The following LHFPL3 variants were observed in gnomAD, a reference collection of about 807,000 sequenced individuals.
LHFPL3 encodes LHFPL tetraspan subfamily member 3.
Under a neutral mutation model 19.3 loss-of-function variants are expected in LHFPL3, and 5 were observed. The observed-to-expected ratio is 0.26, with a 90% confidence interval of 0.14 to 0.54. LHFPL3 has a LOEUF of 0.54. Among genes scored for constraint, LHFPL3 ranks in the 20% least tolerant of loss-of-function variants. The pLI is 0.94. For synonymous variants in LHFPL3, 133 were observed against 126.2 expected (o/e 1.05, Z -0.36); for missense variants, 249 against 307.4 (o/e 0.81, Z 1.42).
intron 1 of LHFPL3, among the ~76,000 whole-genome samples, chr7:104,645,201 T>C (rs1173698445): frequency 6.6e-6 from 1 of 152,246 alleles, no homozygotes; most frequent in Non-Finnish European, 1.5e-5. Flanking sequence ...TTATGGCTAA[T>C]GAGGCTGGCC....
At chr7:104,537,212 C>T (rs1331327483) in intron 1 of LHFPL3, among the ~76,000 whole-genome samples, 3 of 152,116 alleles carry the variant, frequency 2.0e-5, no homozygotes, top group African/African-American at 7.2e-5. Context: ...CTGCTGCTTG[C>T]TAATCTAAAA....
intron 1 of LHFPL3, among the ~76,000 whole-genome samples, chr7:104,343,512 C>CAAAAAAAAAAAAAAAAA (rs536122769): frequency 4.2e-5 from 2 of 47,476 alleles, no homozygotes; most frequent in Non-Finnish European, 8.3e-5. Context: ...GACTCTGTCT[C>CAAAAAAAAAAAAAAAAA]AAAAAAAAAA....
chr7:104,891,129 G>C (rs1237793248), intron 2 of LHFPL3, among the ~76,000 whole-genome samples: 1 of 151,372 alleles, frequency 6.6e-6, no homozygotes, highest in African/African-American at 2.4e-5. Context: ...TTAAGGGTCT[G>C]TTTTGAATGG....
chr7:104,876,936 C>G lies in LHFPL3; in HGVS notation c.683-29251C>G, dbSNP rs201939281. The stretch of plus-strand genomic sequence containing the variant: ...TGTGGCACATATACACCATGGAATA[C>G]TATGCAGCCATAAAAAATGATGAGT... On this transcript the variant is annotated intron_variant, in intron 2 of 2. Coordinates refer to ENST00000424859, the MANE Select transcript of LHFPL3 (RefSeq NM_199000.3). Among the ~76,000 whole-genome samples, 33 of 152,284 alleles carry G rather than the reference C, an allele frequency of 2.2e-4. No homozygotes were observed. The East Asian group carries it at 5.4e-3, about 25-fold the overall frequency.
intron 2 of LHFPL3, among the ~76,000 whole-genome samples, chr7:104,854,775 A>G (rs572481331): frequency 1.3e-5 from 2 of 152,286 alleles, no homozygotes; most frequent in Admixed American, 6.5e-5. Flanking sequence ...CTGTAGCACC[A>G]TTTGTCTAAG....
intron 1 of LHFPL3, among the ~76,000 whole-genome samples, chr7:104,621,509 G>A (rs969277874): frequency 8.5e-5 from 13 of 152,200 alleles, no homozygotes; most frequent in Admixed American, 6.5e-5. Context: ...AGAGTGTGCT[G>A]GGTCAGAGGA....
intron 1 of LHFPL3, among the ~76,000 whole-genome samples, chr7:104,694,915 C>T (rs1792970130): frequency 2.0e-5 from 3 of 152,188 alleles, no homozygotes; most frequent in Admixed American, 2.0e-4. Context: ...GTCAAGGTTG[C>T]AGTGAGCTAA....
At chr7:104,558,151 G>T (rs1175948131) in intron 1 of LHFPL3, among the ~76,000 whole-genome samples, 1 of 151,230 alleles carries the variant, frequency 6.6e-6, no homozygotes, top group Admixed American at 6.6e-5. Flanking sequence ...GTGTGCATGT[G>T]TCTTTATAGC....
chr7:104,466,870 A>G (rs974197734), intron 1 of LHFPL3, among the ~76,000 whole-genome samples: 3 of 152,230 alleles, frequency 2.0e-5, no homozygotes, highest in Non-Finnish European at 2.9e-5. Context: ...TCTGATTTCC[A>G]TGCTTTTCTT....
chr7:104,361,765 G>A (rs1790393839), intron 1 of LHFPL3, among the ~76,000 whole-genome samples: 1 of 152,228 alleles, frequency 6.6e-6, no homozygotes, highest in Non-Finnish European at 1.5e-5. Flanking sequence ...TGGGGTCAAA[G>A]TAGCAAGGGT....
At chr7:104,351,496 A>G (rs1214074909) in intron 1 of LHFPL3, among the ~76,000 whole-genome samples, 1 of 152,214 alleles carries the variant, frequency 6.6e-6, no homozygotes, top group East Asian at 1.9e-4. Flanking sequence ...TCCTTCCTCC[A>G]ATAAACAGAA....
At chr7:104,434,819 C>T (rs561261115) in intron 1 of LHFPL3, among the ~76,000 whole-genome samples, 6 of 152,274 alleles carry the variant, frequency 3.9e-5, no homozygotes, top group African/African-American at 1.4e-4. Flanking sequence ...TGAAAGATCA[C>T]ATTTCAATTG....
At chr7:104,418,940 C>G (rs147294105) in intron 1 of LHFPL3, among the ~76,000 whole-genome samples, 5 of 152,334 alleles carry the variant, frequency 3.3e-5, no homozygotes, top group Admixed American at 3.3e-4. Context: ...TCCTATGAGA[C>G]AAGTACCAAT....
At chr7:104,599,841 T>A (rs575452118) in intron 1 of LHFPL3, among the ~76,000 whole-genome samples, 9 of 152,312 alleles carry the variant, frequency 5.9e-5, no homozygotes, top group African/African-American at 2.2e-4. Context: ...TAGCCAAACA[T>A]CAGCAATGGC....
At chr7:104,412,774 T>G (rs1791555901) in intron 1 of LHFPL3, among the ~76,000 whole-genome samples, 3 of 152,158 alleles carry the variant, frequency 2.0e-5, no homozygotes, top group Non-Finnish European at 4.4e-5. Flanking sequence ...ATTTTTCTAT[T>G]TTTTTATCTC....
At chr7:104,571,472 C>T (rs984233705) in intron 1 of LHFPL3, among the ~76,000 whole-genome samples, 18 of 152,276 alleles carry the variant, frequency 1.2e-4, no homozygotes, top group African/African-American at 4.3e-4. Flanking sequence ...CTCCTTTCGC[C>T]AGCTTTTCTT....
chr7:104,743,992 C>T (rs1197408523), intron 2 of LHFPL3: 1 of 151,910 alleles, frequency 6.6e-6, no homozygotes, highest in Non-Finnish European at 1.5e-5. Flanking sequence ...CACACACCAC[C>T]ACACCCTGCA....
chr7:104,609,134 G>A (rs574975017), intron 1 of LHFPL3, among the ~76,000 whole-genome samples: 2 of 152,078 alleles, frequency 1.3e-5, no homozygotes, highest in Admixed American at 6.5e-5. Flanking sequence ...GCATGGTGGT[G>A]CGCACCTGTA....
At chr7:104,393,453 C>G (rs1372518613) in intron 1 of LHFPL3, among the ~76,000 whole-genome samples, 2 of 152,146 alleles carry the variant, frequency 1.3e-5, no homozygotes, top group East Asian at 3.8e-4. Flanking sequence ...CATGGTGGCT[C>G]ATGCCTGTAA....
Sources: gnomAD v4.1 joint callset for allele counts (sites outside exome capture counted in the v4.1 genomes callset) on GRCh38, gnomAD v4.1.1 for gene constraint, MANE v1.5 for transcripts, NCBI Gene and HGNC (gene_info 2026-07-23, HGNC 2026-07-21) for gene names.